The following CHRNA7 variants were observed in gnomAD, a reference collection of about 807,000 sequenced individuals.
The protein encoded by CHRNA7 is neuronal acetylcholine receptor subunit alpha-7.
A neutral mutation model predicts 48.0 loss-of-function variants in CHRNA7; 17 were observed. That is an observed-to-expected ratio of 0.35 (90% CI 0.24 to 0.53). The LOEUF (loss-of-function observed/expected upper bound fraction) is 0.53. CHRNA7 is among the 20% of genes least tolerant of loss of function. The probability of loss-of-function intolerance (pLI) is 0.92; values close to 1 mark genes in which losing one functional copy is unlikely to be tolerated. For missense variants in CHRNA7, 155 were observed against 577.7 expected (o/e 0.27, Z 7.50); for synonymous variants, 75 against 242.3 (o/e 0.31, Z 6.41).
intron 2 of CHRNA7, among the ~76,000 whole-genome samples, chr15:32,072,018 G>A (rs527970042): frequency 6.6e-6 from 1 of 152,230 alleles, no homozygotes; most frequent in South Asian, 2.1e-4. Flanking sequence ...GGAAGATTAG[G>A]GAAAGTTTGG....
chr15:32,154,645 T>C (rs2051698453), intron 5 of CHRNA7, among the ~76,000 whole-genome samples: 1 of 30,124 alleles, frequency 3.3e-5, no homozygotes, highest in Non-Finnish European at 5.1e-5. Flanking sequence ...ACTAGCATAT[T>C]GATAGGAACA....
rs988611293 is a variant in CHRNA7, at chr15:32,057,064, C to T, written c.195+26027C>T. Among the ~76,000 whole-genome samples, 21 of 152,168 alleles carry T rather than the reference C, an allele frequency of 1.4e-4. 1 individual carries two copies. Among genetic ancestry groups the T allele is most frequent in the African/African-American group, 4.3e-4 (18 of 41,428 alleles). ...ACCACTAGGCACTTGTCTTACTTGG[C>T]ATGGGGTGATGAATTGGCTGCCTGT... On this transcript the variant is annotated intron_variant, in intron 2 of 9. Transcript: ENST00000306901.
chr15:32,101,180 G>A, intron 2 of CHRNA7, 123 bp from the exon 3 acceptor site: 1 of 949,724 alleles, frequency 1.1e-6, no homozygotes, highest in Non-Finnish European at 1.6e-6. Flanking sequence ...GAAGTGCTTG[G>A]TGCATTCTAA....
rs183787875 is a variant in CHRNA7, at chr15:32,125,959, G to C, written c.350+14060G>C. Reference sequence around the variant, plus strand: ...ATGCTTGTCTCCCTCCTGCTGTCCAGAGAAAACCAACTGAATGATGAATAG... The same window carrying C: ...ATGCTTGTCTCCCTCCTGCTGTCCACAGAAAACCAACTGAATGATGAATAG... On this transcript the variant is annotated intron_variant, in intron 4 of 9. Coordinates refer to ENST00000306901, the MANE Select transcript of CHRNA7 (RefSeq NM_000746.6). Among the ~76,000 whole-genome samples the C allele has an allele frequency of 1.9e-3, 294 of 151,864 alleles. 1 individual carries two copies. The highest frequency in any genetic ancestry group is 3.5e-3 in the Non-Finnish European group (239 of 67,980).
At chr15:32,093,026 A>T (rs1389911956) in intron 2 of CHRNA7, among the ~76,000 whole-genome samples, 1 of 152,226 alleles carries the variant, frequency 6.6e-6, no homozygotes, top group African/African-American at 2.4e-5. Flanking sequence ...CCAGAGAGAT[A>T]CAACTTGTAA....
At chr15:32,046,769 C>T (rs1468373886) in intron 2 of CHRNA7, among the ~76,000 whole-genome samples, 2 of 151,916 alleles carry the variant, frequency 1.3e-5, no homozygotes, top group African/African-American at 4.8e-5. Context: ...AATGGTAATG[C>T]CTAGGTTTTC....
chr15:32,050,461 T>G (rs1473830471), intron 2 of CHRNA7, among the ~76,000 whole-genome samples: 1 of 152,254 alleles, frequency 6.6e-6, no homozygotes, highest in Non-Finnish European at 1.5e-5. Context: ...TTCTGCATTC[T>G]TCATGTAGTT....
intron 4 of CHRNA7, among the ~76,000 whole-genome samples, chr15:32,119,342 C>T (rs2050927402): frequency 6.6e-6 from 1 of 152,236 alleles, no homozygotes; most frequent in African/African-American, 2.4e-5. Flanking sequence ...TAGTCTTTGA[C>T]ACACGATCAC....
At chr15:32,150,419 G>T (rs541839075) in intron 4 of CHRNA7, among the ~76,000 whole-genome samples, 1 of 152,270 alleles carries the variant, frequency 6.6e-6, no homozygotes, top group Non-Finnish European at 1.5e-5. Flanking sequence ...CGCATCCCAC[G>T]TCTGGTGCGG....
chr15:32,086,626 A>G (rs1277725077), intron 2 of CHRNA7, among the ~76,000 whole-genome samples: 1 of 152,122 alleles, frequency 6.6e-6, no homozygotes, highest in Non-Finnish European at 1.5e-5. Flanking sequence ...TTTCTGTTCC[A>G]CGATCCCATC....
intron 4 of CHRNA7, among the ~76,000 whole-genome samples, chr15:32,136,430 G>T (rs149986860): frequency 2.0e-5 from 3 of 150,726 alleles, no homozygotes; most frequent in African/African-American, 7.3e-5. Context: ...GGCAGAGGTT[G>T]CAGTGAGCTG....
intron 3 of CHRNA7, 133 bp from the exon 4 acceptor site, chr15:32,111,657 A>T: frequency 1.7e-6 from 1 of 585,994 alleles, no homozygotes; most frequent in Non-Finnish European, 3.0e-6. Context: ...TTTTCATTAT[A>T]TTTTATAAAT....
chr15:32,033,911 C>T (rs1030490747), intron 2 of CHRNA7, among the ~76,000 whole-genome samples: 13 of 152,156 alleles, frequency 8.5e-5, no homozygotes, highest in Non-Finnish European at 1.0e-4. Context: ...TATGATGTTA[C>T]ATATTTGATT....
At chr15:32,060,564 A>G (rs2049863003) in intron 2 of CHRNA7, among the ~76,000 whole-genome samples, 1 of 152,234 alleles carries the variant, frequency 6.6e-6, no homozygotes, top group African/African-American at 2.4e-5. Context: ...AGAAAACACA[A>G]GAAAAGTCTG....
At chr15:32,054,812 CT>C (rs1423603110) in intron 2 of CHRNA7, among the ~76,000 whole-genome samples, 1 of 152,154 alleles carries the variant, frequency 6.6e-6, no homozygotes, top group Admixed American at 6.5e-5. Flanking sequence ...ATTTAGATTT[CT>C]TCTAGATTTT....
chr15:32,078,069 G>T (rs1178200763), intron 2 of CHRNA7, among the ~76,000 whole-genome samples: 2 of 152,072 alleles, frequency 1.3e-5, no homozygotes, highest in Admixed American at 6.6e-5. Flanking sequence ...AAATTGGGTT[G>T]CTTGTTTTCT....
intron 2 of CHRNA7, among the ~76,000 whole-genome samples, chr15:32,046,876 C>A (rs2049558875): frequency 6.6e-6 from 1 of 151,842 alleles, no homozygotes; most frequent in African/African-American, 2.4e-5. Context: ...CCAGTTTCAG[C>A]TTTCTACACA....
chr15:32,051,242 G>A (rs1201055441), intron 2 of CHRNA7, among the ~76,000 whole-genome samples: 1 of 151,836 alleles, frequency 6.6e-6, no homozygotes. Context: ...TCTGTGCCCT[G>A]CCCCCAGAGG....
intron 4 of CHRNA7, among the ~76,000 whole-genome samples, chr15:32,133,477 C>G (rs1443707901): frequency 6.6e-6 from 1 of 152,200 alleles, no homozygotes; most frequent in Non-Finnish European, 1.5e-5. Context: ...AGTCATTACC[C>G]AAGAAGGCGG....
Sources: allele counts gnomAD v4.1 joint callset (sites outside exome capture counted in the v4.1 genomes callset), GRCh38; gene constraint gnomAD v4.1.1; transcripts MANE v1.5; gene names NCBI Gene and HGNC (gene_info 2026-07-23, HGNC 2026-07-21).